EBF3: variants seen among roughly 807,000 people sequenced by gnomAD.
The protein encoded by EBF3 is EBF transcription factor 3.
EBF3 carries 18 observed loss-of-function variants against 77.1 expected under a neutral mutation model. The ratio of observed to expected loss-of-function variants is 0.23; its 90% CI spans 0.16 to 0.35. The LOEUF (loss-of-function observed/expected upper bound fraction) is 0.35, where lower values mean the gene tolerates loss of function less well. Among genes scored for constraint, EBF3 ranks in the 10% least tolerant of loss-of-function variants. The pLI is 1.00. For synonymous variants in EBF3, 350 were observed against 343.5 expected, an observed-to-expected ratio of 1.02 and a Z score of -0.21; for missense variants, 558 against 860.0, an observed-to-expected ratio of 0.65 and a Z score of 4.39.
intron 6 of EBF3, among the ~76,000 whole-genome samples, chr10:129,924,430 C>CA (rs956215243): frequency 0.019 from 2,103 of 108,096 alleles, 15 homozygotes; most frequent in East Asian, 0.066. Context: ...ACAACAACAA[C>CA]AAAAAAAAAA....
intron 6 of EBF3, among the ~76,000 whole-genome samples, chr10:129,884,522 A>C (rs1853433029): frequency 6.6e-6 from 1 of 152,206 alleles, no homozygotes; most frequent in Non-Finnish European, 1.5e-5. Flanking sequence ...AATTGCTTTA[A>C]CACCAGACTT....
chr10:129,895,515 T>C (rs1401387015), intron 6 of EBF3, among the ~76,000 whole-genome samples: 2 of 152,194 alleles, frequency 1.3e-5, no homozygotes, highest in South Asian at 2.1e-4. Context: ...GGCATTTCCA[T>C]TCCCCTTCAG....
chr10:129,857,660 T>C (rs1409444214), intron 10 of EBF3, among the ~76,000 whole-genome samples: 1 of 152,224 alleles, frequency 6.6e-6, no homozygotes, highest in Non-Finnish European at 1.5e-5. Flanking sequence ...ATGTGGCTTC[T>C]GCACCAGACA....
intron 6 of EBF3, among the ~76,000 whole-genome samples, chr10:129,931,758 T>C (rs1857042426): frequency 6.6e-6 from 1 of 152,232 alleles, no homozygotes; most frequent in Admixed American, 6.5e-5. Context: ...ACTTAAACTG[T>C]TGCTATCATG....
chr10:129,860,767 T>C (rs1851573169), intron 10 of EBF3, among the ~76,000 whole-genome samples: 1 of 152,240 alleles, frequency 6.6e-6, no homozygotes, highest in Admixed American at 6.5e-5. Context: ...TTCTTTTCCT[T>C]GATAAATGGG....
At chr10:129,855,646 C>T (rs982332214) in intron 10 of EBF3, among the ~76,000 whole-genome samples, 6 of 152,178 alleles carry the variant, frequency 3.9e-5, no homozygotes, top group South Asian at 2.1e-4. Flanking sequence ...GCTGTTCTAA[C>T]GTTTTAACCT....
chr10:129,874,777 C>G (rs997882609), intron 7 of EBF3, among the ~76,000 whole-genome samples: 4 of 152,178 alleles, frequency 2.6e-5, no homozygotes, highest in African/African-American at 9.7e-5. Context: ...CAGGGTACAC[C>G]TTCCCTGCAA....
chr10:129,920,618 G>A (rs1481028181), intron 6 of EBF3, among the ~76,000 whole-genome samples: 12 of 152,220 alleles, frequency 7.9e-5, no homozygotes, highest in Non-Finnish European at 1.5e-4. Context: ...AAAAAGGAAC[G>A]AATAGAAAGG....
At position 129,837,878 on chromosome 10, in the gene EBF3, C is replaced by T; in HGVS notation, c.*65G>A. The T allele has an allele frequency of 6.2e-7, 1 of 1,613,126 alleles. No individual in the cohort carries two copies. Among genetic ancestry groups the T allele is most frequent in the Non-Finnish European group, 8.5e-7 (1 of 1,179,174 alleles). On this transcript the variant is annotated 3_prime_UTR_variant, in exon 17 of 17. Coordinates refer to ENST00000440978, the MANE Select transcript of EBF3 (RefSeq NM_001375380.1). Reference sequence around the variant, plus strand: ...TGTCTTAATATACTAAACGTGTCCCCTGAAGTCCGTCCTTTGATGCTGGGT... The same window carrying T: ...TGTCTTAATATACTAAACGTGTCCCTTGAAGTCCGTCCTTTGATGCTGGGT...
rs548556890 is a variant in EBF3, at chr10:129,839,053, G to A, written c.1872+30C>T. On this transcript the variant is annotated intron_variant, in intron 16 of 16. Coordinates refer to ENST00000440978, the MANE Select transcript of EBF3 (RefSeq NM_001375380.1). The stretch of plus-strand genomic sequence containing the variant: ...GTCCCTTCATACGCTAACGGATGTT[G>A]TGAAGACAATGATTTCAAATCACTG... 4.6e-6 allele frequency: 6 copies of A among 1,304,218 alleles called. No individual in the cohort carries two copies. The South Asian group carries it at 7.4e-5, about 16-fold the overall frequency. 80.8% of individuals were successfully genotyped at this position (1,304,218 alleles called of 1,614,324 possible). A position where few individuals can be genotyped will look rare whatever the true frequency, so the allele number is the denominator to read the frequency against.
rs1413194435 is a variant in EBF3 at position 129,845,925 on chromosome 10, C to T, written c.1128+2467G>A. The stretch of plus-strand genomic sequence containing the variant: ...ATGCATAAAATGTAATTTGTTTTTT[C>T]TGCTTTCATTTTTTTTTTTTTTTTA... On this transcript the variant is annotated intron_variant, in intron 11 of 16. Coordinates refer to ENST00000440978, the MANE Select transcript of EBF3 (RefSeq NM_001375380.1). 5.1e-4 allele frequency: 60 copies of T among 118,346 alleles called. 1 individual carries two copies. The highest frequency in any genetic ancestry group is 2.6e-3 in the Admixed American group (25 of 9,748). 7.3% of individuals were successfully genotyped at this position (118,346 alleles called of 1,614,324 possible).
chr10:129,857,032 G>A (rs1033533321), intron 10 of EBF3, among the ~76,000 whole-genome samples: 1 of 152,176 alleles, frequency 6.6e-6, no homozygotes, highest in African/African-American at 2.4e-5. Flanking sequence ...CAGCAGTGGG[G>A]GAAGGGCCTG....
At chr10:129,931,775 T>C (rs1275112338) in intron 6 of EBF3, among the ~76,000 whole-genome samples, 1 of 152,234 alleles carries the variant, frequency 6.6e-6, no homozygotes. Flanking sequence ...CATGAAGCAA[T>C]GCCTGCTGAC....
chr10:129,865,388 G>C (rs948741281), intron 10 of EBF3, among the ~76,000 whole-genome samples: 6 of 152,102 alleles, frequency 3.9e-5, no homozygotes, highest in African/African-American at 1.4e-4. Flanking sequence ...CCAAAACCTA[G>C]AGGAGCAGCC....
At position 129,922,754 on chromosome 10, in the gene EBF3, G is replaced by A. The variant is rs532046561; in HGVS notation, c.554+34504C>T. ...CGACTGCAGCCCTCCTGACCCTGATGTGGGGCTGGGGGCTGACGGGACCAC... is the reference window on the plus strand; with the variant it reads ...CGACTGCAGCCCTCCTGACCCTGATATGGGGCTGGGGGCTGACGGGACCAC... On this transcript the variant is annotated intron_variant, in intron 6 of 16. Coordinates refer to ENST00000440978, the MANE Select transcript of EBF3 (RefSeq NM_001375380.1). Among the ~76,000 whole-genome samples the A allele has an allele frequency of 3.2e-3, 493 of 152,364 alleles. 4 individuals are homozygous for A. The highest frequency in any genetic ancestry group is 0.018 in the South Asian group (87 of 4,824).
At chr10:129,909,267 A>T (rs1855352800) in intron 6 of EBF3, among the ~76,000 whole-genome samples, 1 of 152,178 alleles carries the variant, frequency 6.6e-6, no homozygotes, top group Non-Finnish European at 1.5e-5. Flanking sequence ...CAAGAAAGCA[A>T]ATCCCATGGC....
intron 6 of EBF3, among the ~76,000 whole-genome samples, chr10:129,916,084 C>T (rs966949363): frequency 1.3e-5 from 2 of 152,256 alleles, no homozygotes; most frequent in Non-Finnish European, 2.9e-5. Flanking sequence ...GGGCCTGGGA[C>T]ATGCCCCTCC....
At chr10:129,904,585 T>A (rs1346799839) in intron 6 of EBF3, among the ~76,000 whole-genome samples, 1 of 151,440 alleles carries the variant, frequency 6.6e-6, no homozygotes, top group African/African-American at 2.4e-5. Flanking sequence ...GATGGATGGA[T>A]GGACAAATGG....
chr10:129,860,009 CAG>C (rs1320541945), intron 10 of EBF3, among the ~76,000 whole-genome samples: 1 of 152,212 alleles, frequency 6.6e-6, no homozygotes, highest in African/African-American at 2.4e-5. Flanking sequence ...CCTTGGTCTT[CAG>C]AGTTTAACCT....
Sources: allele counts gnomAD v4.1 joint callset (sites outside exome capture counted in the v4.1 genomes callset), GRCh38; gene constraint gnomAD v4.1.1; transcripts MANE v1.5; gene names NCBI Gene and HGNC (gene_info 2026-07-23, HGNC 2026-07-21).